Variants in CPXM2 observed in about 807,000 individuals in gnomAD.
CPXM2 encodes carboxypeptidase X, M14 family member 2, also known as inactive carboxypeptidase-like protein X2.
Under a neutral mutation model 86.1 loss-of-function variants are expected in CPXM2, and 66 were observed. That is an observed-to-expected ratio of 0.77 (90% CI 0.63 to 0.94). The LOEUF is 0.94. CPXM2 is among the 40% of genes least tolerant of loss of function. The pLI is 0.00. For synonymous variants in CPXM2, 388 were observed against 400.2 expected, an observed-to-expected ratio of 0.97 and a Z score of 0.36; for missense variants, 948 against 1,026.3, an observed-to-expected ratio of 0.92 and a Z score of 1.04.
chr10:123,779,901 A>G (rs1350507074), intron 7 of CPXM2, among the ~76,000 whole-genome samples: 1 of 152,158 alleles, frequency 6.6e-6, no homozygotes, highest in East Asian at 1.9e-4. Context: ...CAAAAACACA[A>G]TAATTCTCAA....
chr10:123,878,506 CGTGT>C (rs200009107), intron 2 of CPXM2, among the ~76,000 whole-genome samples: 4,027 of 134,750 alleles, frequency 0.03, 72 homozygotes, highest in Middle Eastern at 0.061. Flanking sequence ...CAAATTCAGA[CGTGT>C]GTGTGTGTGT....
Position 123,746,669 on chromosome 10 carries a change from C to G in CPXM2, c.*95G>C, listed in dbSNP as rs1225782331. ...TCTCTTCCAGGCACTTCTTGAATTA[C>G]AGAGGAAACAACAGTGAGTGAGTCC... On this transcript the variant is annotated 3_prime_UTR_variant, in exon 14 of 14. Transcript: ENST00000241305. 1 of 1,216,088 alleles carries G rather than the reference C, an allele frequency of 8.2e-7. No individual in the cohort carries two copies. Among genetic ancestry groups the G allele is most frequent in the East Asian group, 2.3e-5 (1 of 42,896 alleles). 75.3% of individuals were successfully genotyped at this position (1,216,088 alleles called of 1,614,324 possible).
intron 6 of CPXM2, among the ~76,000 whole-genome samples, chr10:123,796,698 C>A (rs1231710094): frequency 6.6e-6 from 1 of 152,210 alleles, no homozygotes; most frequent in Non-Finnish European, 1.5e-5. Flanking sequence ...GAGGGGGTTA[C>A]TACAGAAATA....
rs1945277075 is a variant in CPXM2, at chr10:123,891,699, C to T, written c.-40G>A. 3.8e-6 allele frequency: 5 copies of T among 1,302,202 alleles called. No individual in the cohort carries two copies. The highest frequency in any genetic ancestry group is 3.1e-5 in the African/African-American group (2 of 64,246). The allele number at this position is 1,302,202 out of a possible 1,614,324, so 80.7% of individuals were successfully genotyped here. A position where few individuals can be genotyped will look rare whatever the true frequency, so the allele number is the denominator to read the frequency against. On this transcript the variant is annotated 5_prime_UTR_variant, in exon 1 of 14. Coordinates refer to ENST00000241305, the MANE Select transcript of CPXM2 (RefSeq NM_198148.3). This position sits in a 1 kb window ranked among gnomAD's most constrained non-coding sequence, Gnocchi z 5.6. ...GCGCCCAGGGCAGGGTCACGGTCAC[C>T]GGGGGCGCCGGGCGGGCTGCGGGCG...
At chr10:123,824,169 G>A (rs996051028) in intron 4 of CPXM2, among the ~76,000 whole-genome samples, 4 of 152,164 alleles carry the variant, frequency 2.6e-5, no homozygotes, top group Non-Finnish European at 5.9e-5. Context: ...GAGAAAGTCA[G>A]TGGAAGTTTA....
chr10:123,794,047 G>A (rs1448740729), intron 6 of CPXM2, among the ~76,000 whole-genome samples: 1 of 152,192 alleles, frequency 6.6e-6, no homozygotes, highest in Non-Finnish European at 1.5e-5. Context: ...TGGGCTGGGA[G>A]GATGTGCGTA....
chr10:123,841,403 G>A (rs1371475613), intron 4 of CPXM2, among the ~76,000 whole-genome samples: 1 of 152,202 alleles, frequency 6.6e-6, no homozygotes, highest in Non-Finnish European at 1.5e-5. Context: ...ATCTTGAACT[G>A]TACAGTTTTG....
At chr10:123,938,601 C>G (rs965019811) in intron 2 of CPXM2, among the ~76,000 whole-genome samples, 1 of 152,182 alleles carries the variant, frequency 6.6e-6, no homozygotes, top group Non-Finnish European at 1.5e-5. Flanking sequence ...TGCAAGGGAG[C>G]CTGGGACACT....
chr10:123,841,860 C>A (rs1848394269), intron 4 of CPXM2, among the ~76,000 whole-genome samples: 1 of 152,184 alleles, frequency 6.6e-6, no homozygotes, highest in African/African-American at 2.4e-5. Context: ...CATTCTCAGG[C>A]CTCAAGCTCT....
At chr10:123,829,827 A>G (rs1255835125) in intron 4 of CPXM2, among the ~76,000 whole-genome samples, 1 of 152,334 alleles carries the variant, frequency 6.6e-6, no homozygotes, top group East Asian at 1.9e-4. Context: ...ACAATGTGAC[A>G]GAATAAAAAA....
upstream of CPXM2, among the ~76,000 whole-genome samples, chr10:123,942,394 A>G (rs1217717370): frequency 6.6e-6 from 1 of 152,000 alleles, no homozygotes; most frequent in Non-Finnish European, 1.5e-5. Context: ...GGTCACAAAG[A>G]CCCCGCTAAT....
intron 4 of CPXM2, among the ~76,000 whole-genome samples, chr10:123,811,855 C>A (rs1321408026): frequency 1.3e-5 from 2 of 152,124 alleles, no homozygotes; most frequent in Non-Finnish European, 2.9e-5. Flanking sequence ...TTAGTGGTTA[C>A]GGAAATGCAA....
intron 2 of CPXM2, among the ~76,000 whole-genome samples, chr10:123,927,036 T>C (rs1372996321): frequency 2.6e-5 from 4 of 152,210 alleles, no homozygotes; most frequent in African/African-American, 7.2e-5. Flanking sequence ...TGTTCATCTG[T>C]GGATGGGCAC....
intron 2 of CPXM2, among the ~76,000 whole-genome samples, chr10:123,906,166 C>A (rs1352320604): frequency 6.6e-5 from 10 of 152,206 alleles, no homozygotes; most frequent in Non-Finnish European, 1.5e-4. Context: ...CCATGCATTT[C>A]ATCCCAGAAG....
rs373878988 is a variant in CPXM2 at position 123,818,587 on chromosome 10, AT to A, written c.654-19389del. ...CATCTGTGGACTCACGGAATGCCTT[AT>A]CCACTGTCACGGTATTCTGCACAGC... On this transcript the variant is annotated intron_variant, in intron 4 of 13. Transcript: ENST00000241305. Among the ~76,000 whole-genome samples the A allele has an allele frequency of 2.7e-3, 414 of 152,326 alleles. 3 individuals carry two copies. Among genetic ancestry groups the A allele is most frequent in the African/African-American group, 9.3e-3 (387 of 41,578 alleles).
chr10:123,903,461 C>T (rs1341798361), intron 2 of CPXM2, among the ~76,000 whole-genome samples: 2 of 132,456 alleles, frequency 1.5e-5, no homozygotes, highest in East Asian at 2.0e-4. Flanking sequence ...TTTCAAAATG[C>T]ACATGGCCTG....
At chr10:123,932,792 G>T (rs1211919216) in intron 2 of CPXM2, among the ~76,000 whole-genome samples, 2 of 152,198 alleles carry the variant, frequency 1.3e-5, no homozygotes, top group African/African-American at 2.4e-5. Flanking sequence ...TTCTCGGCGT[G>T]GCAGATAGCA....
At chr10:123,824,116 C>A (rs1016104596) in intron 4 of CPXM2, among the ~76,000 whole-genome samples, 10 of 152,094 alleles carry the variant, frequency 6.6e-5, no homozygotes, top group South Asian at 2.1e-4. Context: ...AGCAAAATTT[C>A]TTTTTCTTCT....
upstream of CPXM2, chr10:123,891,977 A>G (rs1484768459): frequency 6.6e-6 from 1 of 151,964 alleles, no homozygotes; most frequent in African/African-American, 2.4e-5. The surrounding 1 kb of genome is among the most constrained non-coding windows in gnomAD (Gnocchi z 5.6). Context: ...AAGCCCAAGA[A>G]AGCCCCCTTC....
Sources: gnomAD v4.1 joint callset for allele counts (sites outside exome capture counted in the v4.1 genomes callset) on GRCh38, gnomAD v4.1.1 for gene constraint, Gnocchi (gnomAD v3.1) non-coding constraint, MANE v1.5 for transcripts, NCBI Gene and HGNC (gene_info 2026-07-23, HGNC 2026-07-21) for gene names.